Variants in CACNA1B observed in about 807,000 individuals in gnomAD.
CACNA1B encodes the protein voltage-dependent N-type calcium channel subunit alpha-1B.
CACNA1B carries 70 observed loss-of-function variants against 247.2 expected under a neutral mutation model. That is an observed-to-expected ratio of 0.28 (90% CI 0.23 to 0.35). The LOEUF (loss-of-function observed/expected upper bound fraction) is 0.35. Among genes scored for constraint, CACNA1B ranks in the 10% least tolerant of loss-of-function variants. The probability of loss-of-function intolerance (pLI) is 1.00; values close to 1 mark genes in which losing one functional copy is unlikely to be tolerated. For missense variants in CACNA1B, 2,367 were observed against 3,197.4 expected, an observed-to-expected ratio of 0.74 and a Z score of 6.26; for synonymous variants, 1,231 against 1,294.4, an observed-to-expected ratio of 0.95 and a Z score of 1.05.
rs1959626186 is a variant in CACNA1B, at chr9:138,059,218, T to C, written c.4584+29T>C. 17 of 1,365,608 alleles carry C rather than the reference T, an allele frequency of 1.2e-5. No homozygotes were observed. The highest frequency in any genetic ancestry group is 1.6e-5 in the Non-Finnish European group (15 of 957,164). The allele number at this position is 1,365,608 out of a possible 1,614,324, so 84.6% of individuals were successfully genotyped here. A position where few individuals can be genotyped will look rare whatever the true frequency, so the allele number is the denominator to read the frequency against. ...CGTGCTTTGGTCCCTGCTTTGCCTT[T>C]TGACAACCTATATTCTGGTTCCCCA... is the stretch of plus-strand genomic sequence containing the variant. On this transcript the variant is annotated intron_variant, in intron 30 of 46. Transcript: ENST00000371372. The surrounding 1 kb of genome is among the most constrained non-coding windows in gnomAD (Gnocchi z 4.2).
At chr9:137,945,617 A>G (rs957391614) in intron 6 of CACNA1B, among the ~76,000 whole-genome samples, 1 of 152,232 alleles carries the variant, frequency 6.6e-6, no homozygotes, top group African/African-American at 2.4e-5. Flanking sequence ...AATCTCTTTT[A>G]CAATTAATTT....
intron 37 of CACNA1B, among the ~76,000 whole-genome samples, chr9:138,099,345 CTG>C (rs1961168972): frequency 6.6e-6 from 1 of 152,188 alleles, no homozygotes; most frequent in Non-Finnish European, 1.5e-5. Context: ...ATATGTGTGC[CTG>C]TGTGTATATG....
At chr9:138,075,495 G>A (rs1236649627) in intron 34 of CACNA1B, among the ~76,000 whole-genome samples, 9 of 152,240 alleles carry the variant, frequency 5.9e-5, no homozygotes, top group Non-Finnish European at 1.3e-4. Context: ...CTTTGGAGTC[G>A]CTGATGATCC....
At chr9:138,039,858 C>G (rs1169282316) in intron 20 of CACNA1B, among the ~76,000 whole-genome samples, 1 of 152,002 alleles carries the variant, frequency 6.6e-6, no homozygotes, top group East Asian at 1.9e-4. Context: ...TATGCTAAAT[C>G]AGGTTTGTTA....
chr9:138,071,565 C>T (rs1010515088), intron 32 of CACNA1B, among the ~76,000 whole-genome samples: 1 of 152,226 alleles, frequency 6.6e-6, no homozygotes, highest in African/African-American at 2.4e-5. Context: ...CTCCTGCCCC[C>T]AGCCTCTCCT....
intron 36 of CACNA1B, among the ~76,000 whole-genome samples, chr9:138,094,457 A>AAAAAAAGAAG (rs752912258): frequency 5.2e-5 from 7 of 134,884 alleles, no homozygotes; most frequent in Admixed American, 4.4e-4. Context: ...AAAAAAAAAA[A>AAAAAAAGAAG]AAGAAGAAGA....
intron 41 of CACNA1B, among the ~76,000 whole-genome samples, chr9:138,115,238 G>T (rs1407368245): frequency 2.0e-5 from 3 of 152,188 alleles, no homozygotes; most frequent in African/African-American, 7.2e-5. Flanking sequence ...CTGTAATCTG[G>T]TCCAATCCCC....
intron 20 of CACNA1B, among the ~76,000 whole-genome samples, chr9:138,032,238 T>A (rs1475956518): frequency 6.6e-6 from 1 of 152,144 alleles, no homozygotes; most frequent in Non-Finnish European, 1.5e-5. Flanking sequence ...TTACTCCAGT[T>A]TCTTCATGTA....
At chr9:138,000,301 T>G (rs1015856970) in intron 15 of CACNA1B, among the ~76,000 whole-genome samples, 40 of 152,228 alleles carry the variant, frequency 2.6e-4, no homozygotes, top group Middle Eastern at 6.8e-3. Context: ...GGTTTCACCG[T>G]GTTAGCCAGG....
chr9:137,964,362 A>C (rs1228864412), intron 10 of CACNA1B, among the ~76,000 whole-genome samples: 1 of 152,036 alleles, frequency 6.6e-6, no homozygotes, highest in South Asian at 2.1e-4. Flanking sequence ...ACATAATCCC[A>C]TATTTCTCAG....
intron 5 of CACNA1B, among the ~76,000 whole-genome samples, chr9:137,916,590 G>C (rs975473202): frequency 1.3e-5 from 2 of 152,244 alleles, no homozygotes; most frequent in South Asian, 4.1e-4. Context: ...GTTGGTTCCA[G>C]ATCATCCTGC....
chr9:137,902,247 G>T (rs1957248303), intron 3 of CACNA1B, among the ~76,000 whole-genome samples: 1 of 152,136 alleles, frequency 6.6e-6, no homozygotes, highest in Non-Finnish European at 1.5e-5. Flanking sequence ...TGCCTACCAG[G>T]TACTGTGCCT....
intron 37 of CACNA1B, among the ~76,000 whole-genome samples, chr9:138,099,540 T>A (rs1003793436): frequency 1.3e-5 from 2 of 150,242 alleles, no homozygotes; most frequent in African/African-American, 2.5e-5. Context: ...TGTGTGTGCA[T>A]GTGCCTTTGT....
intron 6 of CACNA1B, among the ~76,000 whole-genome samples, chr9:137,925,036 C>G (rs1485564549): frequency 6.6e-6 from 1 of 152,234 alleles, no homozygotes; most frequent in Non-Finnish European, 1.5e-5. Flanking sequence ...CGACCCGTGT[C>G]TGGTTTGTGC....
Position 138,059,698 on chromosome 9 carries a change from G to A in CACNA1B, c.4629G>A (p.Val1543=). The A allele has an allele frequency of 6.2e-7, 1 of 1,609,224 alleles. No individual in the cohort carries two copies. Among genetic ancestry groups the A allele is most frequent in the Non-Finnish European group, 8.5e-7 (1 of 1,175,526 alleles). The change falls in exon 31 of 47, where the codon GTG becomes GTA. Residue 1543 remains valine, a synonymous_variant. Transcript: ENST00000371372. This position sits in a 1 kb window ranked among gnomAD's most constrained non-coding sequence, Gnocchi z 4.2. ...DAWNVFDFVT[V]LGSITDILVT... ...GGAATGTCTTTGACTTTGTCACTGT[G>A]TTGGGAAGTATTACTGATATTTTAG...
At chr9:138,004,589 T>C (rs1345940593) in intron 15 of CACNA1B, among the ~76,000 whole-genome samples, 1 of 151,622 alleles carries the variant, frequency 6.6e-6, no homozygotes, top group Non-Finnish European at 1.5e-5. Flanking sequence ...CTCAAAGCTG[T>C]ATTGTTGAAT....
chr9:138,052,466 G>A lies in CACNA1B; in HGVS notation c.3807+278G>A, dbSNP rs1347951909. On this transcript the variant is annotated intron_variant, in intron 25 of 46. Transcript: ENST00000371372. This position sits in a 1 kb window ranked among gnomAD's most constrained non-coding sequence, Gnocchi z 5.1. ...GCAGTGCAGTGCGGGAAAGGCTGCC[G>A]GGACAGGTGCAGGGTGGTGGAGGGA... Among the ~76,000 whole-genome samples, 5 of 152,140 alleles carry A rather than the reference G, an allele frequency of 3.3e-5. No homozygotes were observed. The highest frequency in any genetic ancestry group is 1.9e-4 in the East Asian group (1 of 5,186).
intron 6 of CACNA1B, among the ~76,000 whole-genome samples, chr9:137,943,062 T>C (rs555374973): frequency 6.6e-6 from 1 of 152,052 alleles, no homozygotes; most frequent in South Asian, 2.1e-4. Context: ...TTTTTTTTTT[T>C]TTTTTGAGTT....
At chr9:138,044,707 G>A (rs1180397077) in intron 21 of CACNA1B, among the ~76,000 whole-genome samples, 1 of 152,184 alleles carries the variant, frequency 6.6e-6, no homozygotes, top group Non-Finnish European at 1.5e-5. Flanking sequence ...AGGTGGACGG[G>A]AGGGCAGAGG....
Sources: allele counts gnomAD v4.1 joint callset (sites outside exome capture counted in the v4.1 genomes callset), GRCh38; gene constraint gnomAD v4.1.1; non-coding constraint Gnocchi (gnomAD v3.1); transcripts MANE v1.5; gene names NCBI Gene and HGNC (gene_info 2026-07-23, HGNC 2026-07-21).